The following ZNF292 variants were observed in gnomAD, a reference collection of about 807,000 sequenced individuals.
ZNF292 encodes the protein zinc finger protein 292.
A neutral mutation model predicts 217.9 loss-of-function variants in ZNF292; 26 were observed. That is an observed-to-expected ratio of 0.12 (90% confidence interval 0.09 to 0.17). The LOEUF (loss-of-function observed/expected upper bound fraction) is 0.17. Among genes scored for constraint, ZNF292 ranks in the 10% least tolerant of loss-of-function variants. The pLI is 1.00. For missense variants in ZNF292, 2,904 were observed against 3,175.2 expected (o/e 0.91, Z 2.05); for synonymous variants, 1,257 against 1,124.1 (o/e 1.12, Z -2.37).
At position 87,255,336 on chromosome 6, in the gene ZNF292, T is replaced by C. The variant is rs1775150427; in HGVS notation, c.1707T>C (p.Tyr569=). 8.1e-6 allele frequency: 13 copies of C among 1,613,818 alleles called. No homozygotes were observed. Among genetic ancestry groups the C allele is most frequent in the African/African-American group, 1.3e-5 (1 of 75,062 alleles). ...AGAAACATTACAAAGATGGAATTTA[T>C]AGTTGCCCCATATGTGCAAAGAACT... ...HAQKHYKDGI[Y]SCPICAKNFN... The change falls in exon 8 of 8, where the codon TAT becomes TAC. Residue 569 remains tyrosine (Y), a synonymous_variant. Coordinates refer to ENST00000369577, the MANE Select transcript of ZNF292 (RefSeq NM_015021.3).
chr6:87,185,078 T>C (rs1045627587), intron 1 of ZNF292, among the ~76,000 whole-genome samples: 4 of 152,190 alleles, frequency 2.6e-5, no homozygotes, highest in African/African-American at 9.7e-5. Flanking sequence ...TAGGTATTCC[T>C]TAATCCAGTC....
chr6:87,199,214 CATAGTTAAATTCGT>C (rs1344904248), intron 1 of ZNF292, among the ~76,000 whole-genome samples: 3 of 152,188 alleles, frequency 2.0e-5, no homozygotes, highest in Non-Finnish European at 2.9e-5. Flanking sequence ...TGTGGTTTCT[CATAGTTAAATTCGT>C]ATTTCCCTAA....
Position 87,257,135 on chromosome 6 carries a change from C to T in ZNF292, c.3506C>T (p.Thr1169Ile), listed in dbSNP as rs760304264. 2 of 1,613,890 alleles carry T rather than the reference C, an allele frequency of 1.2e-6. No individual in the cohort carries two copies. Among genetic ancestry groups the T allele is most frequent in the East Asian group, 2.2e-5 (1 of 44,886 alleles). ...SPVNSSNPFF[T>I]SQTKANGNPA... Reference sequence around the variant, plus strand: ...GTGAACAGCTCAAATCCATTTTTTACATCACAGACCAAAGCCAATGGGAAT... The same window carrying T: ...GTGAACAGCTCAAATCCATTTTTTATATCACAGACCAAAGCCAATGGGAAT... The change falls in exon 8 of 8, where the codon ACA (threonine) becomes ATA (isoleucine). Residue 1169 changes from threonine (T) to isoleucine (I), a missense_variant. Physicochemically the swap from Thr to Ile is moderately conservative, Grantham distance 89. This residue lies in a region of ZNF292 where 687 missense variants were observed against 623.0 expected (regional missense o/e 1.10). Coordinates refer to ENST00000369577, the MANE Select transcript of ZNF292 (RefSeq NM_015021.3).
Position 87,215,906 on chromosome 6 carries a change from C to T in ZNF292, c.172C>T (p.Leu58Phe). The T allele has an allele frequency of 6.3e-7, 1 of 1,597,374 alleles. No individual in the cohort carries two copies. Among genetic ancestry groups the T allele is most frequent in the Non-Finnish European group, 8.5e-7 (1 of 1,174,274 alleles). Residue 58 changes from leucine (L) to phenylalanine (F), a missense_variant, in exon 2 of 8, where the codon CTC (leucine) becomes TTC (phenylalanine). By Grantham distance (22) the Leu-to-Phe change is conservative. Transcript: ENST00000369577. ...TDYCQQLCQT[L>F]LEYAEKWKTS... The stretch of plus-strand genomic sequence containing the variant: ...TTTATTATTCCTTCCAAAACAGACA[C>T]TCCTAGAATATGCAGAGAAATGGAA...
chr6:87,254,835 G>T lies in ZNF292; in HGVS notation c.1206G>T (p.Ala402=). The T allele has an allele frequency of 6.2e-7, 1 of 1,613,808 alleles. No individual in the cohort carries two copies. The highest frequency in any genetic ancestry group is 8.5e-7 in the Non-Finnish European group (1 of 1,179,802). The change falls in exon 8 of 8, where the codon GCG becomes GCT. Residue 402 remains alanine, a synonymous_variant. Coordinates refer to ENST00000369577, the MANE Select transcript of ZNF292 (RefSeq NM_015021.3). ...TTCTTATTGAGCCTACAGTAGATGC[G>T]TATTATGCTGTGGAAATGTTGTATA... ...SEFLIEPTVD[A]YYAVEMLYNQ... is the part of the protein sequence containing the mutation.
intron 1 of ZNF292, among the ~76,000 whole-genome samples, chr6:87,167,380 C>A (rs886479035): frequency 6.6e-6 from 1 of 152,220 alleles, no homozygotes; most frequent in Non-Finnish European, 1.5e-5. Flanking sequence ...GTGGCTCATG[C>A]CTGTAATCTC....
At chr6:87,241,324 G>A (rs1326016939) in intron 5 of ZNF292, among the ~76,000 whole-genome samples, 3 of 151,724 alleles carry the variant, frequency 2.0e-5, no homozygotes, top group African/African-American at 4.8e-5. Context: ...TAAAGTGGTG[G>A]CATCTACCAG....
At chr6:87,240,260 G>A (rs1774205509) in intron 5 of ZNF292, among the ~76,000 whole-genome samples, 1 of 151,866 alleles carries the variant, frequency 6.6e-6, no homozygotes. Flanking sequence ...GCTGAGGCAG[G>A]AGAATCAGGC....
chr6:87,249,091 T>C (rs975698334), intron 7 of ZNF292, among the ~76,000 whole-genome samples: 2 of 152,246 alleles, frequency 1.3e-5, no homozygotes, highest in Non-Finnish European at 2.9e-5. Context: ...CTTTGGAAGT[T>C]GGCCATGGCA....
At chr6:87,252,463 C>A (rs545518890) in intron 7 of ZNF292, among the ~76,000 whole-genome samples, 1 of 152,234 alleles carries the variant, frequency 6.6e-6, no homozygotes, top group South Asian at 2.1e-4. Flanking sequence ...CTCTCTTAAT[C>A]CTTTTTTAAA....
intron 1 of ZNF292, among the ~76,000 whole-genome samples, chr6:87,161,008 A>G (rs1245851845): frequency 5.9e-5 from 9 of 152,046 alleles, no homozygotes; most frequent in Non-Finnish European, 2.9e-5. Context: ...TCATATTGAG[A>G]TAGTTAAGCT....
rs752386780 is a variant in ZNF292 at position 87,259,773 on chromosome 6, A to T, written c.6144A>T (p.Lys2048Asn). 3.1e-6 allele frequency: 5 copies of T among 1,602,700 alleles called. No individual in the cohort carries two copies. The highest frequency in any genetic ancestry group is 4.3e-6 in the Non-Finnish European group (5 of 1,174,384). ...VIPEKQLVEK[K>N]SPDKTESSLQ... ...CAGAAAAACAACTTGTAGAAAAAAA[A>T]AGTCCTGACAAAACAGAAAGTTCTT... The change falls in exon 8 of 8, where the codon AAA (lysine) becomes AAT (asparagine). Residue 2048 changes from lysine to asparagine, a missense_variant. Lys to Asn is a moderately conservative substitution (Grantham distance 94). Transcript: ENST00000369577.
intron 1 of ZNF292, among the ~76,000 whole-genome samples, chr6:87,184,690 C>A (rs1235972750): frequency 6.6e-6 from 1 of 152,114 alleles, no homozygotes; most frequent in Non-Finnish European, 1.5e-5. Context: ...CCACAACAGT[C>A]CATCTGCAAG....
At position 87,260,800 on chromosome 6, in the gene ZNF292, A is replaced by G; in HGVS notation, c.7171A>G (p.Lys2391Glu). The G allele has an allele frequency of 6.2e-7, 1 of 1,613,194 alleles. No homozygotes were observed. The highest frequency in any genetic ancestry group is 1.1e-5 in the South Asian group (1 of 91,016). Residue 2391 changes from lysine to glutamate, a missense_variant, in exon 8 of 8, where the codon AAG becomes GAG. Physicochemically the swap from Lys to Glu is moderately conservative, Grantham distance 56. Around this residue, in one of 15 missense-constraint regions of ZNF292, gnomAD observed 27 missense variants for 52.3 expected, o/e 0.52. Transcript: ENST00000369577. Reference protein sequence around the residue: ...RFVTQYPCMIKGCTSVVTSES... With the variant: ...RFVTQYPCMIEGCTSVVTSES... ...TGTAACCCAGTATCCATGTATGATA[A>G]AGGGATGTACTTCAGTTGTTACAAG...
intron 3 of ZNF292, among the ~76,000 whole-genome samples, chr6:87,218,043 A>G (rs1266957915): frequency 1.3e-5 from 2 of 152,160 alleles, no homozygotes; most frequent in African/African-American, 2.4e-5. Flanking sequence ...ACTGAAGACT[A>G]TGCCCATTTC....
At position 87,255,957 on chromosome 6, in the gene ZNF292, C is replaced by T; in HGVS notation, c.2328C>T (p.Val776=). Reference sequence around the variant, plus strand: ...TAACCCACCGAAAGGAGCATCAAGTCTTTAGAGCAAAATGTATGTTTCCTA... The same window carrying T: ...TAACCCACCGAAAGGAGCATCAAGTTTTTAGAGCAAAATGTATGTTTCCTA... ...ELLTHRKEHQ[V]FRAKCMFPKC... is the part of the protein sequence containing the mutation. The change falls in exon 8 of 8, where the codon GTC becomes GTT. Residue 776 remains valine, a synonymous_variant. Coordinates refer to ENST00000369577, the MANE Select transcript of ZNF292 (RefSeq NM_015021.3). The T allele has an allele frequency of 1.2e-6, 2 of 1,612,316 alleles. No homozygotes were observed. Among genetic ancestry groups the T allele is most frequent in the Non-Finnish European group, 1.7e-6 (2 of 1,179,036 alleles).
At chr6:87,209,104 A>ACCCCCCCCCC (rs5878022) in intron 1 of ZNF292, among the ~76,000 whole-genome samples, 7 of 137,292 alleles carry the variant, frequency 5.1e-5, no homozygotes, top group African/African-American at 2.1e-4. Flanking sequence ...CCCCACTTTC[A>ACCCCCCCCCC]CCCCCCCCTC....
intron 1 of ZNF292, among the ~76,000 whole-genome samples, chr6:87,212,923 T>C (rs1772566938): frequency 6.6e-6 from 1 of 152,252 alleles, no homozygotes; most frequent in Non-Finnish European, 1.5e-5. Flanking sequence ...GAGGGCTGTT[T>C]AGAAGAAAGT....
At chr6:87,227,671 A>G (rs1410743675) in intron 4 of ZNF292, among the ~76,000 whole-genome samples, 2 of 152,174 alleles carry the variant, frequency 1.3e-5, no homozygotes, top group Non-Finnish European at 2.9e-5. Flanking sequence ...TAGATACCTT[A>G]TATAAACAGT....
Sources: allele counts gnomAD v4.1 joint callset (sites outside exome capture counted in the v4.1 genomes callset), GRCh38; gene constraint gnomAD v4.1.1; regional missense constraint gnomAD v4.1.1; transcripts MANE v1.5; gene names NCBI Gene and HGNC (gene_info 2026-07-23, HGNC 2026-07-21).